Variants in GRM7 observed in about 807,000 individuals in gnomAD.
The protein encoded by GRM7 is metabotropic glutamate receptor 7.
A neutral mutation model predicts 84.5 loss-of-function variants in GRM7; 35 were observed. The observed-to-expected ratio is 0.41, with a 90% CI of 0.32 to 0.55. The LOEUF (loss-of-function observed/expected upper bound fraction) is 0.55, where lower values mean the gene tolerates loss of function less well. Among genes scored for constraint, GRM7 ranks in the 20% least tolerant of loss-of-function variants. The pLI is 0.19. For synonymous variants in GRM7, 487 were observed against 455.1 expected (o/e 1.07, Z -0.89); for missense variants, 1,003 against 1,194.6 (o/e 0.84, Z 2.36).
At chr3:7,693,056 A>G (rs1700868926) in intron 9 of GRM7, among the ~76,000 whole-genome samples, 1 of 151,332 alleles carries the variant, frequency 6.6e-6, no homozygotes, top group Non-Finnish European at 1.5e-5. Flanking sequence ...TTGATGGTCT[A>G]AAAATTTAAA....
intron 1 of GRM7, among the ~76,000 whole-genome samples, chr3:7,034,512 T>C (rs551171733): frequency 2.0e-5 from 3 of 152,362 alleles, no homozygotes; most frequent in Admixed American, 2.0e-4. Context: ...TTCATACATA[T>C]GTTTGTGTAT....
chr3:7,347,016 G>A (rs1056113919), intron 4 of GRM7, among the ~76,000 whole-genome samples: 1 of 152,134 alleles, frequency 6.6e-6, no homozygotes, highest in African/African-American at 2.4e-5. Context: ...TGGTTATGGA[G>A]TGAAAACACT....
intron 7 of GRM7, among the ~76,000 whole-genome samples, chr3:7,522,446 A>T (rs1260706188): frequency 6.6e-6 from 1 of 152,092 alleles, no homozygotes; most frequent in South Asian, 2.1e-4. Context: ...TTCCATTAAC[A>T]CACCCATTGC....
intron 9 of GRM7, among the ~76,000 whole-genome samples, chr3:7,715,667 G>A (rs1266232573): frequency 6.6e-6 from 1 of 152,102 alleles, no homozygotes; most frequent in African/African-American, 2.4e-5. Flanking sequence ...ATAGTACAGA[G>A]AGTTTAACCA....
chr3:7,093,641 C>T (rs909084943), intron 1 of GRM7, among the ~76,000 whole-genome samples: 3 of 127,800 alleles, frequency 2.3e-5, no homozygotes, highest in African/African-American at 9.0e-5. Flanking sequence ...CACACCACTG[C>T]ACTCCAGCCT....
intron 3 of GRM7, 37 bp downstream of exon 3, chr3:7,298,862 T>G (rs762202724): frequency 6.4e-6 from 10 of 1,573,932 alleles, no homozygotes; most frequent in Non-Finnish European, 8.7e-6. Context: ...ATATGCATGT[T>G]GCAATTTTAG....
At chr3:7,315,122 C>A (rs187303552) in intron 4 of GRM7, among the ~76,000 whole-genome samples, 1 of 151,806 alleles carries the variant, frequency 6.6e-6, no homozygotes, top group African/African-American at 2.4e-5. Context: ...AAAAACAAAA[C>A]AAAACAAAAA....
chr3:7,290,417 A>G (rs1450844570), intron 2 of GRM7, among the ~76,000 whole-genome samples: 2 of 152,214 alleles, frequency 1.3e-5, no homozygotes, highest in African/African-American at 2.4e-5. Flanking sequence ...GTCCCAAAGT[A>G]TAATGCAAAT....
rs1323329425 is a variant in GRM7, at chr3:7,440,959, G to A, written c.1175-11648G>A. Among the ~76,000 whole-genome samples the A allele has an allele frequency of 3.3e-5, 5 of 152,126 alleles. No homozygotes were observed. In the South Asian group the frequency reaches 1.0e-3, roughly 31 times the overall value. On this transcript the variant is annotated intron_variant, in intron 5 of 9. Transcript: ENST00000357716. The stretch of plus-strand genomic sequence containing the variant: ...GTGAATAGCGCTGCCATGAACATGT[G>A]TGTGCATGTGCCTTTATGTTAGAAC...
intron 1 of GRM7, among the ~76,000 whole-genome samples, chr3:6,996,527 A>G (rs17752444): frequency 0.14 from 21,684 of 152,174 alleles, 1,984 homozygotes; most frequent in South Asian, 0.25. Context: ...ATGTCATACT[A>G]TTGGGAGTTT....
intron 7 of GRM7, among the ~76,000 whole-genome samples, chr3:7,470,588 C>A (rs1482506973): frequency 6.6e-6 from 1 of 152,108 alleles, no homozygotes; most frequent in African/African-American, 2.4e-5. Context: ...AGAGCCTAAA[C>A]CTCCATAAAT....
intron 2 of GRM7, among the ~76,000 whole-genome samples, chr3:7,182,382 A>G (rs1443984653): frequency 6.6e-6 from 1 of 152,136 alleles, no homozygotes; most frequent in African/African-American, 2.4e-5. Flanking sequence ...TCCCTCTGAT[A>G]TCTTATGGAT....
intron 1 of GRM7, among the ~76,000 whole-genome samples, chr3:7,045,650 G>C (rs1248223945): frequency 1.3e-5 from 2 of 152,002 alleles, no homozygotes; most frequent in Non-Finnish European, 2.9e-5. Context: ...TTGTCTTTCT[G>C]TGTCTGGTTT....
At chr3:7,224,185 C>G (rs181832091) in intron 2 of GRM7, among the ~76,000 whole-genome samples, 24 of 152,298 alleles carry the variant, frequency 1.6e-4, no homozygotes, top group African/African-American at 5.3e-4. Flanking sequence ...ATGGCAGCAT[C>G]TGCTCACTTC....
rs113791276 is a variant in GRM7 at position 7,133,897 on chromosome 3, G to T, written c.520-12555G>T. ...ATGCTGATGGTTTCTGGGATACCAC[G>T]TTGGGATGGAAAGGCCTTCATTGTA... On this transcript the variant is annotated intron_variant, in intron 1 of 9. Transcript: ENST00000357716. Among the ~76,000 whole-genome samples, 286 of 152,220 alleles carry T rather than the reference G, an allele frequency of 1.9e-3. 2 individuals are homozygous for T. Among genetic ancestry groups the T allele is most frequent in the African/African-American group, 6.0e-3 (251 of 41,554 alleles).
intron 1 of GRM7, chr3:6,956,575 C>CCTT: frequency 2.2e-6 from 1 of 456,582 alleles, no homozygotes; most frequent in Non-Finnish European, 4.4e-6. Context: ...AGGGAGATGC[C>CCTT]CTTCTATCCT....
rs1575078390 is a variant in GRM7, at chr3:6,967,958, A to C, written c.519+106051A>C. Among the ~76,000 whole-genome samples the C allele has an allele frequency of 3.9e-5, 6 of 152,246 alleles. No homozygotes were observed. The South Asian group carries it at 1.2e-3, about 32-fold the overall frequency. Reference sequence around the variant, plus strand: ...AAAAACAAAAACAAACAAGTTATTGAAATCAAGTTGAGAGTTTAGTAGCTG... The same window carrying C: ...AAAAACAAAAACAAACAAGTTATTGCAATCAAGTTGAGAGTTTAGTAGCTG... On this transcript the variant is annotated intron_variant, in intron 1 of 9. Transcript: ENST00000357716.
chr3:7,239,187 G>T (rs922929541), intron 2 of GRM7, among the ~76,000 whole-genome samples: 8 of 151,694 alleles, frequency 5.3e-5, no homozygotes, highest in African/African-American at 1.7e-4. Context: ...TTTTGGTAGA[G>T]ACAGTGTTTT....
chr3:7,043,349 T>A (rs951213770), intron 1 of GRM7, among the ~76,000 whole-genome samples: 14 of 152,212 alleles, frequency 9.2e-5, no homozygotes, highest in African/African-American at 3.4e-4. Flanking sequence ...CTCTCAGCTT[T>A]GTCTCCCCAA....
Sources: gnomAD v4.1 joint callset for allele counts (sites outside exome capture counted in the v4.1 genomes callset) on GRCh38, gnomAD v4.1.1 for gene constraint, MANE v1.5 for transcripts, NCBI Gene and HGNC (gene_info 2026-07-23, HGNC 2026-07-21) for gene names.